RPTOR: variants seen among roughly 807,000 people sequenced by gnomAD.
RPTOR encodes the protein regulatory-associated protein of mTOR.
In RPTOR, 21 loss-of-function variants were observed where a neutral mutation model predicts 169.9. That is an observed-to-expected ratio of 0.12 (90% CI 0.09 to 0.18). The LOEUF (loss-of-function observed/expected upper bound fraction) is 0.18, where lower values mean the gene tolerates loss of function less well. Among genes scored for constraint, RPTOR ranks in the 10% least tolerant of loss-of-function variants. The pLI is 1.00. For missense variants in RPTOR, 1,133 were observed against 1,855.9 expected (o/e 0.61, Z 7.16); for synonymous variants, 732 against 753.2 (o/e 0.97, Z 0.46).
In RPTOR at chr17:80,892,565, C is replaced by T. The variant is rs79365935; in HGVS notation, c.2102-164C>T. Among the ~76,000 whole-genome samples, 707 of 152,370 alleles carry T rather than the reference C, an allele frequency of 4.6e-3. 9 individuals are homozygous for T. Among genetic ancestry groups the T allele is most frequent in the African/African-American group, 0.016 (665 of 41,582 alleles). ...GTCCAGTGCTATCCCGCAGAGCCTCCGCTCACGTCTGAGTCTCCCTGAGCT... is the reference window on the plus strand; with the variant it reads ...GTCCAGTGCTATCCCGCAGAGCCTCTGCTCACGTCTGAGTCTCCCTGAGCT... On this transcript the variant is annotated intron_variant, in intron 18 of 33. Transcript: ENST00000306801.
At chr17:80,784,589 C>T (rs2066972772) in intron 6 of RPTOR, among the ~76,000 whole-genome samples, 1 of 151,708 alleles carries the variant, frequency 6.6e-6, no homozygotes, top group Admixed American at 6.6e-5. Context: ...AATGGGGTTT[C>T]ACCTTGTTGG....
At chr17:80,666,165 A>T (rs1184335311) in intron 3 of RPTOR, among the ~76,000 whole-genome samples, 2 of 152,108 alleles carry the variant, frequency 1.3e-5, no homozygotes, top group Non-Finnish European at 2.9e-5. Context: ...CTCTTCTCCA[A>T]AGTTGGTTTG....
chr17:80,930,032 C>CG (rs2068856740), intron 24 of RPTOR, among the ~76,000 whole-genome samples: 1 of 151,152 alleles, frequency 6.6e-6, no homozygotes, highest in African/African-American at 2.4e-5. Context: ...CTGGCTCATC[C>CG]CCAGCTCATC....
intron 6 of RPTOR, among the ~76,000 whole-genome samples, chr17:80,760,091 G>A (rs1476832668): frequency 6.6e-6 from 1 of 152,056 alleles, no homozygotes; most frequent in East Asian, 1.9e-4. Flanking sequence ...GTAGGGCTTT[G>A]GGATTTAGGC....
At chr17:80,837,841 G>T in intron 9 of RPTOR, 81 bp from the exon 10 acceptor site, 1 of 1,338,690 alleles carries the variant, frequency 7.5e-7, no homozygotes. Context: ...GGCTCAGCCG[G>T]CTCCTCCTGT....
At chr17:80,902,477 A>G (rs950672601) in intron 20 of RPTOR, among the ~76,000 whole-genome samples, 4 of 152,242 alleles carry the variant, frequency 2.6e-5, no homozygotes, top group East Asian at 1.9e-4. Context: ...TGCCTGACCC[A>G]GTACATCAAA....
rs151165232 is a variant in RPTOR at position 80,674,220 on chromosome 17, T to C, written c.348+30410T>C. Among the ~76,000 whole-genome samples the C allele has an allele frequency of 4.6e-5, 7 of 152,370 alleles. No individual in the cohort carries two copies. In the East Asian group the frequency reaches 1.3e-3, roughly 29 times the overall value. ...TTACTGTCTCAAACTAGATCCTGTT[T>C]ACACATGTTATGGAACAAGTTAGTA... On this transcript the variant is annotated intron_variant, in intron 3 of 33. Coordinates refer to ENST00000306801, the MANE Select transcript of RPTOR (RefSeq NM_020761.3).
Position 80,735,764 on chromosome 17 carries a change from T to G in RPTOR, c.654+5058T>G, listed in dbSNP as rs1288533799. Among the ~76,000 whole-genome samples the G allele has an allele frequency of 2.0e-5, 3 of 152,156 alleles. No homozygotes were observed. The East Asian group carries it at 5.8e-4, about 29-fold the overall frequency. On this transcript the variant is annotated intron_variant, in intron 5 of 33. Coordinates refer to ENST00000306801, the MANE Select transcript of RPTOR (RefSeq NM_020761.3). ...GTAAGTCTTGTTCTGCACATAGCCA[T>G]CTGCTTTTGGTTTAGGGCTGGAGCA...
chr17:80,689,646 T>A (rs1363921124), intron 3 of RPTOR, among the ~76,000 whole-genome samples: 1 of 152,278 alleles, frequency 6.6e-6, no homozygotes, highest in African/African-American at 2.4e-5. Flanking sequence ...ATTCATAGGC[T>A]GATTCTACCT....
chr17:80,869,494 A>G (rs1390750348), intron 13 of RPTOR, among the ~76,000 whole-genome samples: 2 of 152,056 alleles, frequency 1.3e-5, no homozygotes, highest in Non-Finnish European at 2.9e-5. Context: ...ACCCCCAAAA[A>G]TGTGGGGGGA....
chr17:80,581,790 C>G (rs923873550), intron 1 of RPTOR, among the ~76,000 whole-genome samples: 2 of 152,258 alleles, frequency 1.3e-5, no homozygotes, highest in African/African-American at 4.8e-5. Context: ...CCCTGTTATT[C>G]TCTGCAGTGG....
intron 23 of RPTOR, chr17:80,924,049 C>T (rs927411374): frequency 2.7e-5 from 8 of 292,130 alleles, no homozygotes; most frequent in African/African-American, 6.5e-5. Context: ...ACACAGCACT[C>T]TGCGTCCGCT....
chr17:80,712,840 G>C (rs1361744752), intron 4 of RPTOR, among the ~76,000 whole-genome samples: 1 of 152,216 alleles, frequency 6.6e-6, no homozygotes, highest in Non-Finnish European at 1.5e-5. Context: ...GATGTTATCA[G>C]TGTTTGGATT....
At position 80,875,978 on chromosome 17, in the gene RPTOR, C is replaced by A. The variant is rs186140233; in HGVS notation, c.1510-4437C>A. Reference sequence around the variant, plus strand: ...GGGTCTTCACACCGAGCCCATGCCACGCAGGGTGTGTGTGTCACCTGCCAG... The same window carrying A: ...GGGTCTTCACACCGAGCCCATGCCAAGCAGGGTGTGTGTGTCACCTGCCAG... On this transcript the variant is annotated intron_variant, in intron 13 of 33. Transcript: ENST00000306801. Among the ~76,000 whole-genome samples, 110 of 35,684 alleles carry A rather than the reference C, an allele frequency of 3.1e-3. 17 individuals are homozygous for A. Among genetic ancestry groups the A allele is most frequent in the Non-Finnish European group, 3.8e-3 (73 of 19,170 alleles). The allele number at this position is 35,684 out of a possible 152,430, so 23.4% of individuals were successfully genotyped here.
rs2084256932 is a variant in RPTOR, at chr17:80,545,069, A to G, written c.-561A>G. ...GAGGTTGAGGAACCGGGTGCAGGCG[A>G]GCACGATGGGCCGGTCGTGGCTCTG... On this transcript the variant is annotated 5_prime_UTR_variant, in exon 1 of 34. Coordinates refer to ENST00000306801, the MANE Select transcript of RPTOR (RefSeq NM_020761.3). 4.3e-6 allele frequency: 1 copy of G among 233,512 alleles called. No homozygotes were observed. Among genetic ancestry groups the G allele is most frequent in the Admixed American group, 5.6e-5 (1 of 17,766 alleles). 14.5% of individuals were successfully genotyped at this position (233,512 alleles called of 1,614,324 possible).
intron 6 of RPTOR, among the ~76,000 whole-genome samples, chr17:80,791,202 T>C (rs1219539127): frequency 6.6e-6 from 1 of 151,600 alleles, no homozygotes. Flanking sequence ...TTCATGTGGC[T>C]GCAAACGGCT....
At chr17:80,613,115 C>T (rs1449034442) in intron 1 of RPTOR, among the ~76,000 whole-genome samples, 1 of 152,166 alleles carries the variant, frequency 6.6e-6, no homozygotes, top group Non-Finnish European at 1.5e-5. Flanking sequence ...TCATCATCAT[C>T]CTGTCCGAGA....
At chr17:80,757,922 A>G (rs1262320512) in intron 6 of RPTOR, among the ~76,000 whole-genome samples, 1 of 151,938 alleles carries the variant, frequency 6.6e-6, no homozygotes, top group East Asian at 1.9e-4. Context: ...TGTATGTCTG[A>G]TCCCTGTCCA....
intron 1 of RPTOR, among the ~76,000 whole-genome samples, chr17:80,556,582 G>C (rs1271025862): frequency 6.6e-6 from 1 of 152,174 alleles, no homozygotes; most frequent in Non-Finnish European, 1.5e-5. Flanking sequence ...ATGGACGATA[G>C]AGCATGGATC....
Sources: allele counts gnomAD v4.1 joint callset (sites outside exome capture counted in the v4.1 genomes callset), GRCh38; gene constraint gnomAD v4.1.1; transcripts MANE v1.5; gene names NCBI Gene and HGNC (gene_info 2026-07-23, HGNC 2026-07-21).